The following CHST15 variants were observed in gnomAD, a reference collection of about 807,000 sequenced individuals.
The protein encoded by CHST15 is carbohydrate sulfotransferase 15, also known as B cell RAG associated protein (GALNAC4S-6ST).
CHST15 carries 30 observed loss-of-function variants against 53.6 expected under a neutral mutation model. That is an observed-to-expected ratio of 0.56 (90% CI 0.42 to 0.76). The LOEUF (loss-of-function observed/expected upper bound fraction) is 0.76, where lower values mean the gene tolerates loss of function less well. CHST15 is among the 30% of genes least tolerant of loss of function. CHST15 has a pLI of 0.00. For missense variants in CHST15, 627 were observed against 740.5 expected (o/e 0.85, Z 1.78); for synonymous variants, 296 against 289.8 (o/e 1.02, Z -0.22).
rs1946632669 is a variant in CHST15 at position 124,017,683 on chromosome 10, G to A, written c.1347+3573C>T. On this transcript the variant is annotated intron_variant, in intron 6 of 7. Transcript: ENST00000435907. Reference sequence around the variant, plus strand: ...GTTGAAGCCAAACACACATCTAGGGGAAGCTGGGTTAAAAGGCCTAGATTT... The same window carrying A: ...GTTGAAGCCAAACACACATCTAGGGAAAGCTGGGTTAAAAGGCCTAGATTT... Among the ~76,000 whole-genome samples the A allele has an allele frequency of 2.6e-5, 4 of 152,334 alleles. No homozygotes were observed. The South Asian group carries it at 8.3e-4, about 32-fold the overall frequency.
intron 1 of CHST15, among the ~76,000 whole-genome samples, chr10:124,049,462 A>C (rs1197258752): frequency 2.0e-5 from 3 of 151,870 alleles, no homozygotes; most frequent in African/African-American, 7.3e-5. Context: ...CTTTCAACAA[A>C]CCCCCCAAAC....
At chr10:124,089,986 G>A (rs932553535) in intron 1 of CHST15, among the ~76,000 whole-genome samples, 39 of 152,172 alleles carry the variant, frequency 2.6e-4, no homozygotes, top group African/African-American at 8.7e-4. Context: ...CATGGCACAC[G>A]AGTACATGAA....
intron 1 of CHST15, among the ~76,000 whole-genome samples, chr10:124,086,039 T>C (rs894003705): frequency 6.6e-6 from 1 of 152,180 alleles, no homozygotes; most frequent in South Asian, 2.1e-4. Context: ...GAGAAGCTTC[T>C]CCAGGCCCAG....
At chr10:124,038,869 C>T (rs1483204458) in intron 4 of CHST15, among the ~76,000 whole-genome samples, 198 bp from the exon 5 acceptor site, 2 of 151,920 alleles carry the variant, frequency 1.3e-5, no homozygotes, top group Non-Finnish European at 2.9e-5. Context: ...CCACACCCCA[C>T]CTCCACCCCA....
In CHST15 at chr10:124,008,783, C is replaced by T. The variant is rs1564843762; in HGVS notation, c.*1366G>A. The T allele has an allele frequency of 8.5e-7, 1 of 1,174,146 alleles. No homozygotes were observed. The highest frequency in any genetic ancestry group is 1.1e-6 in the Non-Finnish European group (1 of 929,542). The allele number at this position is 1,174,146 out of a possible 1,614,324, so 72.7% of individuals were successfully genotyped here. On this transcript the variant is annotated 3_prime_UTR_variant, in exon 8 of 8. Transcript: ENST00000435907. ...TTGGTTCACAGGAAGCTTCCCTTGACAATACTTGAGTGCAAAGCTTCATCC... is the reference window on the plus strand; with the variant it reads ...TTGGTTCACAGGAAGCTTCCCTTGATAATACTTGAGTGCAAAGCTTCATCC...
intron 6 of CHST15, among the ~76,000 whole-genome samples, chr10:124,016,151 G>A (rs1003456054): frequency 2.6e-5 from 4 of 152,186 alleles, no homozygotes; most frequent in African/African-American, 9.7e-5. Context: ...ACCCCTCAGG[G>A]TAGGGTGTGC....
intron 1 of CHST15, among the ~76,000 whole-genome samples, chr10:124,056,505 C>T (rs1006192935): frequency 1.3e-5 from 2 of 152,064 alleles, no homozygotes; most frequent in Admixed American, 6.5e-5. Context: ...GATGGGGGAA[C>T]GGAGATGTGT....
chr10:124,044,352 C>G (rs562820008), intron 3 of CHST15, among the ~76,000 whole-genome samples: 2 of 152,234 alleles, frequency 1.3e-5, no homozygotes, highest in Non-Finnish European at 2.9e-5. Context: ...GCTGCCAGTT[C>G]TGACTCGTCC....
chr10:124,084,383 C>A (rs1049766430), intron 1 of CHST15, among the ~76,000 whole-genome samples: 1 of 152,148 alleles, frequency 6.6e-6, no homozygotes, highest in African/African-American at 2.4e-5. Flanking sequence ...CCTCCATGGC[C>A]CAACCTTCTC....
chr10:124,042,269 C>T, intron 4 of CHST15, 32 bp downstream of exon 4: 1 of 1,593,512 alleles, frequency 6.3e-7, no homozygotes, highest in Non-Finnish European at 8.6e-7. Flanking sequence ...AGGGAGGGTG[C>T]TAGCCCTGCC....
intron 1 of CHST15, among the ~76,000 whole-genome samples, chr10:124,084,027 CAG>C (rs1382165271): frequency 6.6e-6 from 1 of 152,206 alleles, no homozygotes; most frequent in Non-Finnish European, 1.5e-5. Flanking sequence ...GGTGCCTAGG[CAG>C]AGAGATGTCA....
intron 1 of CHST15, among the ~76,000 whole-genome samples, chr10:124,076,731 AC>A (rs1949084909): frequency 6.9e-6 from 1 of 145,506 alleles, no homozygotes; most frequent in Non-Finnish European, 1.5e-5. Flanking sequence ...TTTTTTTGAG[AC>A]GGAGTCTCGC....
chr10:124,063,683 G>A (rs1018948709), intron 1 of CHST15, among the ~76,000 whole-genome samples: 3 of 152,090 alleles, frequency 2.0e-5, no homozygotes, highest in Non-Finnish European at 4.4e-5. Flanking sequence ...ATTCAGAGCT[G>A]GAAAAGTGAA....
At position 124,021,403 on chromosome 10, in the gene CHST15, T is replaced by A; in HGVS notation, c.1200A>T (p.Ser400=). The part of the protein sequence containing the change: ...MLRDPVERLY[S]DYLYFASSNK... ...TCGAACTTGCAAAGTAGAGATAGTC[T>A]GAGTACAACCTGTGAATAAAATAAA... The change falls in exon 6 of 8, where the codon TCA becomes TCT. Residue 400 remains serine, a synonymous_variant. Transcript: ENST00000435907. The A allele has an allele frequency of 6.2e-7, 1 of 1,612,274 alleles. No homozygotes were observed. Among genetic ancestry groups the A allele is most frequent in the Non-Finnish European group, 8.5e-7 (1 of 1,178,448 alleles).
At chr10:124,072,774 G>A (rs1290752175) in intron 1 of CHST15, among the ~76,000 whole-genome samples, 1 of 152,182 alleles carries the variant, frequency 6.6e-6, no homozygotes, top group Non-Finnish European at 1.5e-5. Context: ...GAAACAGACT[G>A]GCTTCCAGTG....
intron 5 of CHST15, among the ~76,000 whole-genome samples, chr10:124,034,856 G>A (rs1301721680): frequency 1.4e-5 from 2 of 142,228 alleles, no homozygotes; most frequent in East Asian, 4.3e-4. Context: ...ACCCCTAACA[G>A]GGACCCTGGC....
intron 5 of CHST15, among the ~76,000 whole-genome samples, chr10:124,034,708 GGGACCCCGGCTCCACCCCCTAACA>G (rs1947369589): frequency 7.0e-6 from 1 of 143,008 alleles, no homozygotes; most frequent in African/African-American, 2.7e-5. Flanking sequence ...CCCCCTAACA[GGGACCCCGGCTCCACCCCCTAACA>G]GGGACCCCGG....
chr10:124,039,485 A>C (rs530914472), intron 4 of CHST15, among the ~76,000 whole-genome samples: 1 of 152,368 alleles, frequency 6.6e-6, no homozygotes, highest in African/African-American at 2.4e-5. Context: ...TAAGACTAAA[A>C]GAGAGAGGGG....
chr10:124,008,951 GCT>G lies in CHST15; in HGVS notation c.*1196_*1197del. On this transcript the variant is annotated 3_prime_UTR_variant, in exon 8 of 8. Coordinates refer to ENST00000435907, the MANE Select transcript of CHST15 (RefSeq NM_001270764.2). Reference sequence around the variant, plus strand: ...CCTGGAAAATTCCATGAAGAACACGGCTCTTAGAAACCTCATTCCAAATCTCA... The same window carrying G: ...CCTGGAAAATTCCATGAAGAACACGGCTTAGAAACCTCATTCCAAATCTCA... The G allele has an allele frequency of 7.8e-7, 1 of 1,289,104 alleles. No homozygotes were observed. The highest frequency in any genetic ancestry group is 1.0e-6 in the Non-Finnish European group (1 of 988,658). 79.9% of individuals were successfully genotyped at this position (1,289,104 alleles called of 1,614,324 possible).
Sources: gnomAD v4.1 joint callset for allele counts (sites outside exome capture counted in the v4.1 genomes callset) on GRCh38, gnomAD v4.1.1 for gene constraint, MANE v1.5 for transcripts, NCBI Gene and HGNC (gene_info 2026-07-23, HGNC 2026-07-21) for gene names.